ZNF804A: variants seen among roughly 807,000 people sequenced by gnomAD.
ZNF804A encodes the protein zinc finger protein 804A.
A neutral mutation model predicts 16.5 loss-of-function variants in ZNF804A; 2 were observed. The ratio of observed to expected loss-of-function variants is 0.12; its 90% CI spans 0.05 to 0.38. ZNF804A has a LOEUF of 0.38. Among genes scored for constraint, ZNF804A ranks in the 10% least tolerant of loss-of-function variants. ZNF804A has a pLI of 0.99. For missense variants in ZNF804A, 1,473 were observed against 1,390.7 expected, an observed-to-expected ratio of 1.06 and a Z score of -0.94; for synonymous variants, 534 against 489.6, an observed-to-expected ratio of 1.09 and a Z score of -1.20.
At chr2:184,900,714 T>C (rs1473261894) in intron 2 of ZNF804A, among the ~76,000 whole-genome samples, 1 of 152,122 alleles carries the variant, frequency 6.6e-6, no homozygotes, top group East Asian at 1.9e-4. Flanking sequence ...CTTTGGGGAC[T>C]GTGATACAGG....
rs1455215664 is a variant in ZNF804A, at chr2:184,854,007, T to G, written c.112-12362T>G. Among the ~76,000 whole-genome samples, 4 of 151,942 alleles carry G rather than the reference T, an allele frequency of 2.6e-5. No individual in the cohort carries two copies. The East Asian group carries it at 7.7e-4, about 29-fold the overall frequency. On this transcript the variant is annotated intron_variant, in intron 1 of 3. Coordinates refer to ENST00000302277, the MANE Select transcript of ZNF804A (RefSeq NM_194250.2). ...AAGGATTGGTATTAGCCTTAAATGT[T>G]TGGTAGAATTCAGCAGTAAAGCCAT...
At chr2:184,703,440 C>T (rs1692960441) in intron 1 of ZNF804A, among the ~76,000 whole-genome samples, 1 of 151,868 alleles carries the variant, frequency 6.6e-6, no homozygotes, top group East Asian at 1.9e-4. Context: ...TTGTGGCTCA[C>T]ACCTGTAATC....
At chr2:184,664,687 C>T (rs577398115) in intron 1 of ZNF804A, among the ~76,000 whole-genome samples, 1 of 152,260 alleles carries the variant, frequency 6.6e-6, no homozygotes, top group South Asian at 2.1e-4. Flanking sequence ...TAACTTGATA[C>T]TGTCACTAGT....
chr2:184,625,000 C>G (rs545826802), intron 1 of ZNF804A, among the ~76,000 whole-genome samples: 1 of 152,188 alleles, frequency 6.6e-6, no homozygotes, highest in Admixed American at 6.5e-5. Flanking sequence ...TCTGTTGCTT[C>G]TGATCATTAA....
intron 1 of ZNF804A, among the ~76,000 whole-genome samples, chr2:184,608,524 T>C (rs1250308312): frequency 6.6e-6 from 1 of 152,210 alleles, no homozygotes; most frequent in Non-Finnish European, 1.5e-5. Context: ...GTAATGTATG[T>C]GCTCAAATGT....
chr2:184,771,087 G>A (rs1315683314), intron 1 of ZNF804A, among the ~76,000 whole-genome samples: 2 of 151,924 alleles, frequency 1.3e-5, no homozygotes, highest in Non-Finnish European at 2.9e-5. Flanking sequence ...ATGAAGATGA[G>A]CAAACTAATA....
At chr2:184,863,097 C>T (rs1195422209) in intron 1 of ZNF804A, among the ~76,000 whole-genome samples, 14 of 151,986 alleles carry the variant, frequency 9.2e-5, no homozygotes, top group Admixed American at 8.5e-4. Flanking sequence ...AAGATTGATC[C>T]TGAGTTCATA....
At chr2:184,912,845 A>G (rs1198908376) in intron 2 of ZNF804A, among the ~76,000 whole-genome samples, 5 of 152,088 alleles carry the variant, frequency 3.3e-5, no homozygotes, top group Non-Finnish European at 5.9e-5. Context: ...TTTATAAGAT[A>G]CATTATTTGC....
chr2:184,700,378 A>C (rs1692900232), intron 1 of ZNF804A, among the ~76,000 whole-genome samples: 1 of 152,092 alleles, frequency 6.6e-6, no homozygotes. Context: ...GGTTTTAAGG[A>C]CACATGCAGT....
chr2:184,909,946 T>C (rs1395026394), intron 2 of ZNF804A, among the ~76,000 whole-genome samples: 2 of 152,072 alleles, frequency 1.3e-5, no homozygotes, highest in Non-Finnish European at 2.9e-5. Context: ...AGTTTTAGTC[T>C]CAATAATTTC....
chr2:184,786,548 C>T (rs769857025), intron 1 of ZNF804A, among the ~76,000 whole-genome samples: 4 of 151,780 alleles, frequency 2.6e-5, no homozygotes, highest in Non-Finnish European at 5.9e-5. Flanking sequence ...TAGTTCAGAG[C>T]CTGAAATTAG....
rs369741609 is a variant in ZNF804A, at chr2:184,757,432, A to G, written c.112-108937A>G. On this transcript the variant is annotated intron_variant, in intron 1 of 3. Transcript: ENST00000302277. Reference sequence around the variant, plus strand: ...AATTATTGCAACTATCTCCACATTAATCTTGCTTGTTCCTTGGGATATCTG... The same window carrying G: ...AATTATTGCAACTATCTCCACATTAGTCTTGCTTGTTCCTTGGGATATCTG... Among the ~76,000 whole-genome samples, 40 of 151,914 alleles carry G rather than the reference A, an allele frequency of 2.6e-4. No individual in the cohort carries two copies. The East Asian group carries it at 3.5e-3, about 13-fold the overall frequency.
chr2:184,698,398 T>C (rs1474006357), intron 1 of ZNF804A, among the ~76,000 whole-genome samples: 1 of 152,098 alleles, frequency 6.6e-6, no homozygotes, highest in East Asian at 1.9e-4. Flanking sequence ...GAGAAAGGAA[T>C]GTGCCACTAC....
intron 1 of ZNF804A, among the ~76,000 whole-genome samples, chr2:184,737,733 T>A (rs529874346): frequency 3.7e-4 from 56 of 152,266 alleles, no homozygotes; most frequent in Non-Finnish European, 7.2e-4. Flanking sequence ...GTAGCCTATA[T>A]GAATAAACTC....
intron 1 of ZNF804A, among the ~76,000 whole-genome samples, chr2:184,799,811 T>C (rs1398608317): frequency 1.3e-5 from 2 of 152,204 alleles, no homozygotes; most frequent in African/African-American, 4.8e-5. Flanking sequence ...CCCAAAATGC[T>C]GGGATTACAG....
intron 1 of ZNF804A, among the ~76,000 whole-genome samples, chr2:184,682,909 G>T (rs1289585018): frequency 6.6e-6 from 1 of 152,204 alleles, no homozygotes; most frequent in Non-Finnish European, 1.5e-5. Context: ...TCTGGAGGCT[G>T]AGGTGGGAGA....
intron 1 of ZNF804A, among the ~76,000 whole-genome samples, chr2:184,812,076 T>C (rs531250471): frequency 6.6e-6 from 1 of 152,354 alleles, no homozygotes; most frequent in African/African-American, 2.4e-5. Context: ...CCAGCAGTGC[T>C]ATTGGCAAAC....
At chr2:184,692,115 GACAGC>G (rs1443316634) in intron 1 of ZNF804A, among the ~76,000 whole-genome samples, 1 of 152,176 alleles carries the variant, frequency 6.6e-6, no homozygotes, top group Non-Finnish European at 1.5e-5. Flanking sequence ...ATCAAAAGCA[GACAGC>G]AGTTGTTCAA....
At chr2:184,892,873 T>G (rs912111064) in intron 2 of ZNF804A, among the ~76,000 whole-genome samples, 2 of 152,216 alleles carry the variant, frequency 1.3e-5, no homozygotes, top group Admixed American at 1.3e-4. Context: ...TCTGCCTGGT[T>G]GTATTTATGA....
Sources: allele counts gnomAD v4.1 joint callset (sites outside exome capture counted in the v4.1 genomes callset), GRCh38; gene constraint gnomAD v4.1.1; transcripts MANE v1.5; gene names NCBI Gene and HGNC (gene_info 2026-07-23, HGNC 2026-07-21).